The following GPATCH8 variants were observed in gnomAD, a reference collection of about 807,000 sequenced individuals.
The protein encoded by GPATCH8 is G-patch domain containing 8, also known as G patch domain-containing protein 8.
Under a neutral mutation model 118.3 loss-of-function variants are expected in GPATCH8, and 18 were observed. That is an observed-to-expected ratio of 0.15 (90% CI 0.11 to 0.23). The LOEUF (loss-of-function observed/expected upper bound fraction) is 0.23, where lower values mean the gene tolerates loss of function less well. Among genes scored for constraint, GPATCH8 ranks in the 10% least tolerant of loss-of-function variants. The pLI, the probability that GPATCH8 is intolerant of heterozygous loss-of-function variation, is 1.00. For synonymous variants in GPATCH8, 659 were observed against 684.7 expected, an observed-to-expected ratio of 0.96 and a Z score of 0.59; for missense variants, 1,631 against 1,873.8, an observed-to-expected ratio of 0.87 and a Z score of 2.39.
chr17:44,424,341 C>A lies in GPATCH8; in HGVS notation c.492+8G>T, dbSNP rs1567968929. ...ACCTTCTTCTGTTAGCAAGTAACTA[C>A]AACTCACCTGCTTGTGTGCATGATC... On this transcript the variant is annotated splice_region_variant and intron_variant, in intron 6 of 7. Coordinates refer to ENST00000591680, the MANE Select transcript of GPATCH8 (RefSeq NM_001002909.4). 6.3e-7 allele frequency: 1 copy of A among 1,580,684 alleles called. No individual in the cohort carries two copies. Among genetic ancestry groups the A allele is most frequent in the Non-Finnish European group, 8.7e-7 (1 of 1,149,302 alleles).
intron 6 of GPATCH8, among the ~76,000 whole-genome samples, chr17:44,408,645 A>C (rs927828232): frequency 2.6e-5 from 4 of 152,204 alleles, no homozygotes; most frequent in Non-Finnish European, 5.9e-5. Context: ...CAAAGTATGG[A>C]GTCCCCAGGG....
chr17:44,487,748 C>T (rs1372165307), intron 1 of GPATCH8, among the ~76,000 whole-genome samples: 1 of 152,044 alleles, frequency 6.6e-6, no homozygotes, highest in Non-Finnish European at 1.5e-5. Context: ...TTTACTTTTA[C>T]TTGGTGTTCC....
chr17:44,459,913 G>A (rs1032414660), intron 3 of GPATCH8, among the ~76,000 whole-genome samples: 4 of 152,128 alleles, frequency 2.6e-5, no homozygotes, highest in African/African-American at 9.7e-5. Flanking sequence ...GGTGAGATAG[G>A]AAATAATATC....
rs1161858536 is a variant in GPATCH8, at chr17:44,398,473, A to T, written c.3604T>A (p.Leu1202Ile). The T allele has an allele frequency of 6.2e-7, 1 of 1,610,848 alleles. No individual in the cohort carries two copies. Among genetic ancestry groups the T allele is most frequent in the Non-Finnish European group, 8.5e-7 (1 of 1,178,250 alleles). The change falls in exon 8 of 8, where the codon TTA (leucine) becomes ATA (isoleucine). Residue 1202 changes from leucine to isoleucine, a missense_variant. Physicochemically the swap from Leu to Ile is conservative, Grantham distance 5. Coordinates refer to ENST00000591680, the MANE Select transcript of GPATCH8 (RefSeq NM_001002909.4). ...QFPSEETTGP[L>I]LDPPPEESKS... ...GACTCTTCTGGGGGTGGGTCTAATA[A>T]GGGGCCAGTTGTTTCCTCTGAAGGG...
At chr17:44,444,908 C>T (rs778694608) in intron 3 of GPATCH8, among the ~76,000 whole-genome samples, 2 of 152,122 alleles carry the variant, frequency 1.3e-5, no homozygotes, top group South Asian at 2.1e-4. Flanking sequence ...TGAACATGTT[C>T]GTAGCGGGTC....
rs1366892329 is a variant in GPATCH8 at position 44,449,755 on chromosome 17, C to T, written c.194-13210G>A. On this transcript the variant is annotated intron_variant, in intron 3 of 7. Transcript: ENST00000591680. ...CTTGAACCCCTGACCTCAGGTGATC[C>T]GCCCGCCTCAGCCTCCCAGAGTGCT... Among the ~76,000 whole-genome samples the T allele has an allele frequency of 2.0e-5, 3 of 152,174 alleles. No homozygotes were observed. In the East Asian group the frequency reaches 5.8e-4, roughly 29 times the overall value.
chr17:44,436,495 C>T lies in GPATCH8; in HGVS notation c.244G>A (p.Gly82Ser). Residue 82 changes from glycine to serine, a missense_variant, in exon 4 of 8, where the codon GGT becomes AGT. Physicochemically the swap from Gly to Ser is moderately conservative, Grantham distance 56. This residue lies in a region of GPATCH8 where 81 missense variants were observed against 227.6 expected (regional missense o/e 0.36). Coordinates refer to ENST00000591680, the MANE Select transcript of GPATCH8 (RefSeq NM_001002909.4). ...CAATTTACCTCCATTTCCATGCGAC[C>T]CATGCCCATGACATCATACTTGACA... is the stretch of plus-strand genomic sequence containing the variant. ...IVVKYDVMGMGRMEMELDYAE... is the reference protein window; with the variant it reads ...IVVKYDVMGMSRMEMELDYAE... 1 of 1,458,334 alleles carries T rather than the reference C, an allele frequency of 6.9e-7. No individual in the cohort carries two copies. Among genetic ancestry groups the T allele is most frequent in the Non-Finnish European group, 9.6e-7 (1 of 1,037,660 alleles). 90.3% of individuals were successfully genotyped at this position (1,458,334 alleles called of 1,614,324 possible).
intron 3 of GPATCH8, among the ~76,000 whole-genome samples, chr17:44,451,047 A>G (rs2051094345): frequency 1.3e-5 from 2 of 152,204 alleles, no homozygotes; most frequent in Admixed American, 6.5e-5. Flanking sequence ...CCTATTAGAA[A>G]TAAACCTCTG....
intron 5 of GPATCH8, among the ~76,000 whole-genome samples, chr17:44,428,754 G>A (rs1247795123): frequency 6.6e-6 from 1 of 152,054 alleles, no homozygotes; most frequent in Admixed American, 6.6e-5. Context: ...AGTAAGCTGT[G>A]ATCACTGCCA....
Position 44,398,020 on chromosome 17 carries a change from T to C in GPATCH8, c.4057A>G (p.Thr1353Ala). The C allele has an allele frequency of 6.2e-7, 1 of 1,614,018 alleles. No individual in the cohort carries two copies. The highest frequency in any genetic ancestry group is 8.5e-7 in the Non-Finnish European group (1 of 1,179,936). ...ATGTGGATGGGTTGCAGGGCTGGTG[T>C]GGCTGGGGCCAGGGCAGCTGAGGCT... ...FPASAALAPATPALQPIHIQQ... is the reference protein window; with the variant it reads ...FPASAALAPAAPALQPIHIQQ... Residue 1353 changes from threonine (T) to alanine (A), a missense_variant, in exon 8 of 8, where the codon ACA (threonine) becomes GCA (alanine). Transcript: ENST00000591680.
chr17:44,403,691 CTTT>C (rs35050888), intron 7 of GPATCH8, among the ~76,000 whole-genome samples: 4 of 145,906 alleles, frequency 2.7e-5, no homozygotes, highest in African/African-American at 2.6e-5. Flanking sequence ...TGTAATCTCT[CTTT>C]TTTTTTTTTT....
At chr17:44,489,581 C>A (rs1334785557) in intron 1 of GPATCH8, among the ~76,000 whole-genome samples, 1 of 152,138 alleles carries the variant, frequency 6.6e-6, no homozygotes, top group African/African-American at 2.4e-5. Context: ...CTCAGGTGAT[C>A]CGCCCGCCTC....
chr17:44,462,924 T>C (rs1017085911), intron 3 of GPATCH8, among the ~76,000 whole-genome samples: 1 of 151,990 alleles, frequency 6.6e-6, no homozygotes, highest in Non-Finnish European at 1.5e-5. Flanking sequence ...GAGCTGGCAA[T>C]GAGCCGAGAT....
intron 3 of GPATCH8, among the ~76,000 whole-genome samples, chr17:44,441,555 C>G (rs1365706319): frequency 7.0e-6 from 1 of 143,512 alleles, no homozygotes; most frequent in African/African-American, 2.6e-5. Flanking sequence ...GAAACCCCAT[C>G]TCTACTAAAA....
chr17:44,497,786 A>G (rs1195171881), intron 1 of GPATCH8, among the ~76,000 whole-genome samples: 1 of 151,674 alleles, frequency 6.6e-6, no homozygotes, highest in Non-Finnish European at 1.5e-5. Flanking sequence ...AAAAAAGTAC[A>G]AAACTTAGCC....
At position 44,398,783 on chromosome 17, in the gene GPATCH8, C is replaced by A. The variant is rs765445693; in HGVS notation, c.3294G>T (p.Gln1098His). 1 of 1,613,900 alleles carries A rather than the reference C, an allele frequency of 6.2e-7. No individual in the cohort carries two copies. The highest frequency in any genetic ancestry group is 8.5e-7 in the Non-Finnish European group (1 of 1,179,816). ...VTAKLLLEKI[Q>H]SRKVERKPSV... The stretch of plus-strand genomic sequence containing the variant: ...TAGGTTTCCTCTCCACTTTCCTTGA[C>A]TGGATCTTCTCCAGTAGCAGTTTGG... The change falls in exon 8 of 8, where the codon CAG (glutamine) becomes CAT (histidine). Residue 1098 changes from glutamine to histidine, a missense_variant. Physicochemically the swap from Gln to His is conservative, Grantham distance 24. Coordinates refer to ENST00000591680, the MANE Select transcript of GPATCH8 (RefSeq NM_001002909.4).
At chr17:44,414,113 A>ATGTG (rs1315306246) in intron 6 of GPATCH8, among the ~76,000 whole-genome samples, 3 of 83,316 alleles carry the variant, frequency 3.6e-5, no homozygotes, top group Admixed American at 1.4e-4. Flanking sequence ...GTGTATATAT[A>ATGTG]TATGTATATA....
At chr17:44,502,163 T>C (rs1164441923) in intron 1 of GPATCH8, among the ~76,000 whole-genome samples, 2 of 152,200 alleles carry the variant, frequency 1.3e-5, no homozygotes, top group East Asian at 1.9e-4. Flanking sequence ...TGAGTTAAAA[T>C]TGTTAAACTG....
At chr17:44,407,455 T>C (rs1351723063) in intron 6 of GPATCH8, among the ~76,000 whole-genome samples, 1 of 152,172 alleles carries the variant, frequency 6.6e-6, no homozygotes, top group Non-Finnish European at 1.5e-5. Context: ...GTACAACATA[T>C]ATATGTGTAC....
Sources: gnomAD v4.1 joint callset for allele counts (sites outside exome capture counted in the v4.1 genomes callset) on GRCh38, gnomAD v4.1.1 for gene constraint, gnomAD v4.1.1 regional missense constraint, MANE v1.5 for transcripts, NCBI Gene and HGNC (gene_info 2026-07-23, HGNC 2026-07-21) for gene names.